The following ABAT variants were observed in gnomAD, a reference collection of about 807,000 sequenced individuals.
The protein encoded by ABAT is 4-aminobutyrate aminotransferase, also known as 4-aminobutyrate aminotransferase, mitochondrial.
ABAT carries 45 observed loss-of-function variants against 64.6 expected under a neutral mutation model. The ratio of observed to expected loss-of-function variants is 0.70; its 90% CI spans 0.55 to 0.89. The LOEUF (loss-of-function observed/expected upper bound fraction) is 0.89, where lower values mean the gene tolerates loss of function less well. Ranked by LOEUF, ABAT falls within the 40% of genes least tolerant of loss-of-function variation. The probability of loss-of-function intolerance (pLI) is 0.00; values close to 1 mark genes in which losing one functional copy is unlikely to be tolerated. For synonymous variants in ABAT, 297 were observed against 250.5 expected (o/e 1.19, Z -1.75); for missense variants, 633 against 658.4 (o/e 0.96, Z 0.42).
At position 8,766,296 on chromosome 16, in the gene ABAT, G is replaced by A. The variant is rs187620076; in HGVS notation, c.603+26G>A. The A allele has an allele frequency of 8.7e-4, 1,406 of 1,609,352 alleles. 13 individuals are homozygous for A. The African/African-American group carries it at 0.016, about 19-fold the overall frequency. ...GTGAGTGCAGCTGGGCTTGCACCAC[G>A]TACATCTGGGGAAGCTGCACAGCCT... On this transcript the variant is annotated intron_variant, in intron 9 of 15. Coordinates refer to ENST00000268251, the MANE Select transcript of ABAT (RefSeq NM_020686.6).
At chr16:8,718,434 A>T (rs2058272936) in intron 1 of ABAT, among the ~76,000 whole-genome samples, 1 of 152,200 alleles carries the variant, frequency 6.6e-6, no homozygotes, top group Admixed American at 6.5e-5. Flanking sequence ...AGTTTGAGAA[A>T]CATTGCATTA....
At chr16:8,779,420 A>T (rs1471936883) in intron 14 of ABAT, 59 bp from the exon 15 acceptor site, 2 of 1,468,216 alleles carry the variant, frequency 1.4e-6, no homozygotes, top group South Asian at 1.1e-5. Flanking sequence ...ACAGCCATTA[A>T]GCCCAGCTGG....
At chr16:8,711,735 G>GATGGATGC (rs2058077151) in intron 1 of ABAT, among the ~76,000 whole-genome samples, 1 of 61,870 alleles carries the variant, frequency 1.6e-5, no homozygotes, top group African/African-American at 6.1e-5. Context: ...AAGATGGATG[G>GATGGATGC]GTGGATGGAT....
intron 1 of ABAT, among the ~76,000 whole-genome samples, chr16:8,718,366 A>G (rs2058271400): frequency 6.6e-6 from 1 of 152,244 alleles, no homozygotes; most frequent in African/African-American, 2.4e-5. Context: ...CTGTGGAATT[A>G]AAATTTCATG....
At chr16:8,768,727 G>C (rs946315148) in intron 10 of ABAT, 98 bp from the exon 11 acceptor site, 1 of 1,560,358 alleles carries the variant, frequency 6.4e-7, no homozygotes, top group Non-Finnish European at 8.8e-7. Flanking sequence ...CCTGCCCACT[G>C]ACAGCCTTGC....
At chr16:8,708,066 A>T (rs2057988138) in intron 1 of ABAT, among the ~76,000 whole-genome samples, 1 of 152,200 alleles carries the variant, frequency 6.6e-6, no homozygotes, top group Non-Finnish European at 1.5e-5. Context: ...TGATCCCATG[A>T]AAGAGTGAAG....
intron 1 of ABAT, among the ~76,000 whole-genome samples, chr16:8,691,706 G>C (rs1363922726): frequency 1.7e-5 from 1 of 57,778 alleles, no homozygotes; most frequent in Non-Finnish European, 3.9e-5. Flanking sequence ...CTCACAAAGT[G>C]CTGGGATTAC....
intron 1 of ABAT, among the ~76,000 whole-genome samples, chr16:8,705,944 T>C (rs2057930693): frequency 6.6e-6 from 1 of 152,206 alleles, no homozygotes; most frequent in African/African-American, 2.4e-5. Flanking sequence ...CGCAACAATT[T>C]GTTTTATAGT....
At chr16:8,742,298 A>G (rs2059185177) in intron 2 of ABAT, among the ~76,000 whole-genome samples, 1 of 152,176 alleles carries the variant, frequency 6.6e-6, no homozygotes, top group Non-Finnish European at 1.5e-5. Flanking sequence ...TCCCATTCCC[A>G]GTATTTCCAC....
intron 10 of ABAT, 37 bp from the exon 11 acceptor site, chr16:8,768,788 A>C (rs1211896567): frequency 6.2e-7 from 1 of 1,613,752 alleles, no homozygotes; most frequent in Admixed American, 1.7e-5. Flanking sequence ...CTGCTTCCCC[A>C]AGCCAAGCGT....
intron 5 of ABAT, among the ~76,000 whole-genome samples, chr16:8,752,785 G>GA (rs2059526729): frequency 1.3e-5 from 2 of 152,216 alleles, no homozygotes; most frequent in South Asian, 4.1e-4. Context: ...AACAAAAACA[G>GA]AAAAATTCTA....
intron 1 of ABAT, among the ~76,000 whole-genome samples, chr16:8,711,256 T>A (rs2058063711): frequency 6.6e-6 from 1 of 152,102 alleles, no homozygotes; most frequent in African/African-American, 2.4e-5. Context: ...TGATAAAAAT[T>A]CAGTGTGGAG....
At chr16:8,752,923 T>G (rs1485296332) in intron 5 of ABAT, among the ~76,000 whole-genome samples, 2 of 152,158 alleles carry the variant, frequency 1.3e-5, no homozygotes, top group African/African-American at 2.4e-5. Context: ...GCCTTATACA[T>G]TATCTCATTA....
intron 2 of ABAT, 40 bp downstream of exon 2, chr16:8,735,849 AAG>A: frequency 6.5e-7 from 1 of 1,541,178 alleles, no homozygotes; most frequent in Middle Eastern, 1.7e-4. Flanking sequence ...GTACTAATGG[AAG>A]ATACCATCCA....
At chr16:8,725,926 G>A (rs1049907462) in intron 1 of ABAT, among the ~76,000 whole-genome samples, 4 of 151,882 alleles carry the variant, frequency 2.6e-5, no homozygotes, top group African/African-American at 7.3e-5. Flanking sequence ...CACCTGCCTC[G>A]AGAACCCCCT....
At chr16:8,724,937 G>A (rs1418972200) in intron 1 of ABAT, among the ~76,000 whole-genome samples, 1 of 137,230 alleles carries the variant, frequency 7.3e-6, no homozygotes, top group East Asian at 2.2e-4. Flanking sequence ...TTTTTTTTGA[G>A]ATGGAGTCTC....
intron 1 of ABAT, among the ~76,000 whole-genome samples, chr16:8,716,466 A>G (rs7194430): frequency 0.12 from 17,868 of 152,000 alleles, 1,537 homozygotes; most frequent in African/African-American, 0.24. Flanking sequence ...CAGCACCCTC[A>G]CCTTGGCCAG....
intron 4 of ABAT, among the ~76,000 whole-genome samples, chr16:8,749,861 G>A (rs949435938): frequency 5.3e-5 from 8 of 152,128 alleles, no homozygotes; most frequent in South Asian, 4.2e-4. Context: ...TCACAGGCGT[G>A]CACCACCACG....
At chr16:8,704,476 A>G (rs573652566) in intron 1 of ABAT, among the ~76,000 whole-genome samples, 2 of 152,238 alleles carry the variant, frequency 1.3e-5, no homozygotes, top group Non-Finnish European at 1.5e-5. Flanking sequence ...GATAAAATTA[A>G]TAATACAGGT....
Sources: allele counts gnomAD v4.1 joint callset (sites outside exome capture counted in the v4.1 genomes callset), GRCh38; gene constraint gnomAD v4.1.1; transcripts MANE v1.5; gene names NCBI Gene and HGNC (gene_info 2026-07-23, HGNC 2026-07-21).